The following ARL15 variants were observed in gnomAD, a reference collection of about 807,000 sequenced individuals.
The protein encoded by ARL15 is ARF like GTPase 15, also known as ADP-ribosylation factor-like protein 15.
A neutral mutation model predicts 25.2 loss-of-function variants in ARL15; 19 were observed. The ratio of observed to expected loss-of-function variants is 0.75; its 90% CI spans 0.53 to 1.10. The LOEUF (loss-of-function observed/expected upper bound fraction) is 1.10, where lower values mean the gene tolerates loss of function less well. ARL15 is among the 50% of genes least tolerant of loss of function. The pLI, the probability that ARL15 is intolerant of heterozygous loss-of-function variation, is 0.00. For missense variants in ARL15, 220 were observed against 246.0 expected, an observed-to-expected ratio of 0.89 and a Z score of 0.71; for synonymous variants, 94 against 86.8, an observed-to-expected ratio of 1.08 and a Z score of -0.46.
At chr5:54,113,443 A>T in intron 3 of ARL15, 33 bp from the exon 4 acceptor site, 1 of 1,597,782 alleles carries the variant, frequency 6.3e-7, no homozygotes, top group Non-Finnish European at 8.5e-7. Context: ...TCGTTTTAAA[A>T]AGAGCTTTCA....
intron 4 of ARL15, among the ~76,000 whole-genome samples, chr5:53,958,573 T>C (rs1453772509): frequency 6.6e-6 from 1 of 152,216 alleles, no homozygotes; most frequent in Admixed American, 6.5e-5. Context: ...TGTTGGTAGT[T>C]ACTTGAAGTA....
At chr5:53,948,583 C>G (rs555272513) in intron 4 of ARL15, among the ~76,000 whole-genome samples, 8 of 152,188 alleles carry the variant, frequency 5.3e-5, no homozygotes, top group South Asian at 2.1e-4. Context: ...GCTGTTGGAG[C>G]CTTTATCTAA....
At chr5:54,193,120 C>G (rs1438539505) in intron 1 of ARL15, among the ~76,000 whole-genome samples, 1 of 152,132 alleles carries the variant, frequency 6.6e-6, no homozygotes, top group African/African-American at 2.4e-5. Flanking sequence ...CTATCTAGAT[C>G]TCCCTTAAGT....
intron 4 of ARL15, among the ~76,000 whole-genome samples, chr5:54,032,037 GA>G (rs1462875533): frequency 6.6e-6 from 1 of 152,108 alleles, no homozygotes; most frequent in African/African-American, 2.4e-5. Flanking sequence ...CTTACTAACA[GA>G]AAATACATTT....
At chr5:53,951,655 G>T (rs576315838) in intron 4 of ARL15, 39 of 404,074 alleles carry the variant, frequency 9.7e-5, no homozygotes, top group Non-Finnish European at 1.8e-4. Context: ...ATATATTTTC[G>T]ATATGATGAC....
Position 53,981,909 on chromosome 5 carries a change from A to AAAAAAAG in ARL15, c.463-95197_463-95196insCTTTTTT, listed in dbSNP as rs34483681. On this transcript the variant is annotated intron_variant, in intron 4 of 4. Transcript: ENST00000504924. ...GAGTGAAACTCTGTCTCAAAAAAAAAGAAAAGAAAAAAGAAATAATGGAAG... is the reference window on the plus strand; with the variant it reads ...GAGTGAAACTCTGTCTCAAAAAAAAAAAAAAAGGAAAAGAAAAAAGAAATAATGGAAG... Among the ~76,000 whole-genome samples, 62 of 151,764 alleles carry AAAAAAAG rather than the reference A, an allele frequency of 4.1e-4. 1 individual carries two copies. Among genetic ancestry groups the AAAAAAAG allele is most frequent in the Non-Finnish European group, 7.7e-4 (52 of 67,902 alleles).
intron 4 of ARL15, among the ~76,000 whole-genome samples, chr5:54,097,822 T>C (rs1752332380): frequency 6.6e-6 from 1 of 152,214 alleles, no homozygotes; most frequent in Non-Finnish European, 1.5e-5. Context: ...CTGATTGTAC[T>C]CTACAGGGAG....
intron 1 of ARL15, among the ~76,000 whole-genome samples, chr5:54,283,939 G>A (rs902195757): frequency 2.6e-5 from 4 of 152,078 alleles, no homozygotes; most frequent in African/African-American, 4.8e-5. Context: ...AGGCTGTAAC[G>A]GAGACTTAAT....
intron 2 of ARL15, among the ~76,000 whole-genome samples, chr5:54,160,216 T>C (rs1350759388): frequency 6.6e-6 from 1 of 152,244 alleles, no homozygotes; most frequent in African/African-American, 2.4e-5. Context: ...TTTAATGTAC[T>C]GGCATTTATA....
At chr5:54,188,130 TCATCTGG>T (rs1755290531) in intron 1 of ARL15, among the ~76,000 whole-genome samples, 1 of 152,154 alleles carries the variant, frequency 6.6e-6, no homozygotes, top group Admixed American at 6.6e-5. Context: ...AAAAAACTAC[TCATCTGG>T]AACATGCAAC....
At chr5:53,966,641 T>C (rs1747575535) in intron 4 of ARL15, among the ~76,000 whole-genome samples, 1 of 152,204 alleles carries the variant, frequency 6.6e-6, no homozygotes, top group African/African-American at 2.4e-5. Context: ...ACTGCAGAAT[T>C]AATTGCTCAC....
intron 3 of ARL15, among the ~76,000 whole-genome samples, chr5:54,123,086 T>C (rs1305083733): frequency 6.6e-6 from 1 of 151,898 alleles, no homozygotes. Context: ...GAACTCTTAC[T>C]CACACCCTCT....
intron 1 of ARL15, among the ~76,000 whole-genome samples, chr5:54,246,921 T>C (rs913417253): frequency 6.0e-5 from 9 of 151,246 alleles, no homozygotes; most frequent in Middle Eastern, 6.8e-3. Context: ...AAGAAAAAAA[T>C]GTCTAAAAAG....
At chr5:54,207,358 G>A (rs923944284) in intron 1 of ARL15, among the ~76,000 whole-genome samples, 2 of 152,162 alleles carry the variant, frequency 1.3e-5, no homozygotes, top group African/African-American at 2.4e-5. Flanking sequence ...AAACATGACA[G>A]TTACAAGCAT....
rs569455284 is a variant in ARL15, at chr5:54,000,165, G to A, written c.462+113037C>T. 5.3e-5 allele frequency among the ~76,000 whole-genome samples: 8 copies of A among 152,068 alleles called. No homozygotes were observed. The South Asian group carries it at 1.7e-3, about 32-fold the overall frequency. ...TTTTCTTTTCCTCTAGTTTTTTTAAGTTTGGAGGAGGCTCCAGCAAGGCTT... is the reference window on the plus strand; with the variant it reads ...TTTTCTTTTCCTCTAGTTTTTTTAAATTTGGAGGAGGCTCCAGCAAGGCTT... On this transcript the variant is annotated intron_variant, in intron 4 of 4. Coordinates refer to ENST00000504924, the MANE Select transcript of ARL15 (RefSeq NM_019087.3).
At chr5:53,951,926 C>A (rs1350635693) in intron 4 of ARL15, among the ~76,000 whole-genome samples, 1 of 129,946 alleles carries the variant, frequency 7.7e-6, no homozygotes, top group Non-Finnish European at 1.6e-5. Context: ...ACTATTAGTA[C>A]AAATGTTTTC....
intron 1 of ARL15, among the ~76,000 whole-genome samples, chr5:54,177,367 A>C (rs1754907971): frequency 6.6e-6 from 1 of 152,226 alleles, no homozygotes; most frequent in African/African-American, 2.4e-5. Context: ...ATAATGGATT[A>C]GCTTGAAAGC....
intron 3 of ARL15, among the ~76,000 whole-genome samples, chr5:54,123,381 T>A (rs768901278): frequency 6.6e-6 from 1 of 152,196 alleles, no homozygotes; most frequent in Non-Finnish European, 1.5e-5. Flanking sequence ...AGTGCTGGGA[T>A]TACAGGCGTG....
chr5:54,137,628 A>G (rs1284956818), intron 3 of ARL15, among the ~76,000 whole-genome samples: 3 of 152,214 alleles, frequency 2.0e-5, no homozygotes, highest in African/African-American at 2.4e-5. Flanking sequence ...CTTTATCTCA[A>G]AATTGTGCAG....
Sources: gnomAD v4.1 joint callset for allele counts (sites outside exome capture counted in the v4.1 genomes callset) on GRCh38, gnomAD v4.1.1 for gene constraint, MANE v1.5 for transcripts, NCBI Gene and HGNC (gene_info 2026-07-23, HGNC 2026-07-21) for gene names.